Variants in HCRTR2 observed in about 807,000 individuals in gnomAD.
HCRTR2 encodes the protein hypocretin receptor 2.
Under a neutral mutation model 49.0 loss-of-function variants are expected in HCRTR2, and 22 were observed. The observed-to-expected ratio is 0.45, with a 90% CI of 0.32 to 0.64. The LOEUF (loss-of-function observed/expected upper bound fraction) is 0.64, where lower values mean the gene tolerates loss of function less well. Ranked by LOEUF, HCRTR2 falls within the 30% of genes least tolerant of loss-of-function variation. HCRTR2 has a pLI of 0.04. For synonymous variants in HCRTR2, 236 were observed against 205.3 expected (o/e 1.15, Z -1.28); for missense variants, 491 against 559.4 (o/e 0.88, Z 1.23).
At chr6:55,271,584 C>T (rs201628720) in intron 4 of HCRTR2, among the ~76,000 whole-genome samples, 7 of 152,030 alleles carry the variant, frequency 4.6e-5, no homozygotes, top group Non-Finnish European at 1.0e-4. Flanking sequence ...CCATTAAAAA[C>T]GTTAAAAGTC....
At chr6:55,242,300 T>C (rs1459454363) in intron 1 of HCRTR2, among the ~76,000 whole-genome samples, 1 of 152,144 alleles carries the variant, frequency 6.6e-6, no homozygotes, top group African/African-American at 2.4e-5. Flanking sequence ...ACTATCCACC[T>C]CCAGAACATT....
intron 1 of HCRTR2, among the ~76,000 whole-genome samples, chr6:55,185,257 T>C (rs1765197688): frequency 6.6e-6 from 1 of 152,192 alleles, no homozygotes; most frequent in Admixed American, 6.5e-5. Flanking sequence ...GAGACATTTA[T>C]GTGTTTGGGC....
chr6:55,143,471 A>C (rs1764537136), intron 1 of HCRTR2, among the ~76,000 whole-genome samples: 1 of 152,244 alleles, frequency 6.6e-6, no homozygotes, highest in African/African-American at 2.4e-5. Flanking sequence ...ATTCTAAAAG[A>C]GGATTTGCCT....
chr6:55,154,034 T>C (rs540893602), intron 1 of HCRTR2, among the ~76,000 whole-genome samples: 2 of 151,412 alleles, frequency 1.3e-5, no homozygotes, highest in East Asian at 2.0e-4. Flanking sequence ...AGAAAAAAAA[T>C]GGATAAATTC....
chr6:55,257,951 A>AAAAAT (rs1419706360), intron 3 of HCRTR2, among the ~76,000 whole-genome samples: 4 of 152,024 alleles, frequency 2.6e-5, no homozygotes, highest in Non-Finnish European at 5.9e-5. Flanking sequence ...ATTTTTAAGA[A>AAAAAT]AAAATAATTC....
intron 1 of HCRTR2, among the ~76,000 whole-genome samples, chr6:55,123,910 T>A (rs1019696942): frequency 1.4e-4 from 21 of 152,108 alleles, no homozygotes; most frequent in African/African-American, 5.1e-4. Flanking sequence ...TAGTTTTTTG[T>A]CTAGAGGTGT....
At chr6:55,266,948 C>T (rs1766871325) in intron 4 of HCRTR2, among the ~76,000 whole-genome samples, 1 of 152,110 alleles carries the variant, frequency 6.6e-6, no homozygotes. Context: ...CATGAATTAT[C>T]CTCATTAGTA....
At chr6:55,142,736 C>T (rs1194114421) in intron 1 of HCRTR2, among the ~76,000 whole-genome samples, 1 of 151,724 alleles carries the variant, frequency 6.6e-6, no homozygotes, top group African/African-American at 2.4e-5. Flanking sequence ...AATGCACACA[C>T]CGAGATTTAA....
At chr6:55,180,658 T>G (rs1440671240) in intron 1 of HCRTR2, among the ~76,000 whole-genome samples, 1 of 152,226 alleles carries the variant, frequency 6.6e-6, no homozygotes, top group African/African-American at 2.4e-5. Context: ...AGACACAATT[T>G]GAGCCTGAGA....
At chr6:55,212,129 A>G (rs561421143) in intron 1 of HCRTR2, among the ~76,000 whole-genome samples, 1 of 152,280 alleles carries the variant, frequency 6.6e-6, no homozygotes, top group Non-Finnish European at 1.5e-5. Context: ...TCATGAACAA[A>G]TTCCTGTGCG....
At chr6:55,142,093 A>T (rs1305950603) in intron 1 of HCRTR2, among the ~76,000 whole-genome samples, 1 of 152,242 alleles carries the variant, frequency 6.6e-6, no homozygotes, top group African/African-American at 2.4e-5. Flanking sequence ...AGTAAGTTTT[A>T]TCTCCCAAAA....
chr6:55,168,097 G>C (rs1421886670), intron 1 of HCRTR2, among the ~76,000 whole-genome samples: 1 of 152,114 alleles, frequency 6.6e-6, no homozygotes, highest in African/African-American at 2.4e-5. Context: ...GTAGTGATTG[G>C]CCAACAGCTA....
rs535827108 is a variant in HCRTR2 at position 55,149,560 on chromosome 6, C to T, written c.-377-24651C>T. Among the ~76,000 whole-genome samples, 3 of 152,092 alleles carry T rather than the reference C, an allele frequency of 2.0e-5. No individual in the cohort carries two copies. The South Asian group carries it at 6.2e-4, about 32-fold the overall frequency. ...ATCTAGACAAAGCCAAACTGGTCATCCATAAATAAACAATAAATTAGAAAT... is the reference window on the plus strand; with the variant it reads ...ATCTAGACAAAGCCAAACTGGTCATTCATAAATAAACAATAAATTAGAAAT... On this transcript the variant is annotated intron_variant, in intron 1 of 7. Transcript: ENST00000615358.
intron 1 of HCRTR2, 58 bp downstream of exon 1, chr6:55,174,868 TG>T: frequency 7.0e-7 from 1 of 1,418,790 alleles, no homozygotes; most frequent in Non-Finnish European, 1.0e-6. Context: ...CGCCCCGGGC[TG>T]AGAAGGCTCT....
chr6:55,228,976 T>C (rs1371975489), intron 1 of HCRTR2, among the ~76,000 whole-genome samples: 2 of 152,156 alleles, frequency 1.3e-5, no homozygotes, highest in Non-Finnish European at 2.9e-5. Context: ...TAAGTAGGGT[T>C]GCTTCACTTC....
intron 1 of HCRTR2, among the ~76,000 whole-genome samples, chr6:55,220,968 A>G (rs1765879131): frequency 6.6e-6 from 1 of 152,194 alleles, no homozygotes; most frequent in Non-Finnish European, 1.5e-5. Context: ...AAATGACTAA[A>G]ATGTTTAGTA....
At chr6:55,113,964 A>G (rs1764083995) in intron 1 of HCRTR2, among the ~76,000 whole-genome samples, 1 of 151,974 alleles carries the variant, frequency 6.6e-6, no homozygotes, top group African/African-American at 2.4e-5. Context: ...CAGCCATAAA[A>G]AGGAATGAAA....
intron 1 of HCRTR2, among the ~76,000 whole-genome samples, chr6:55,115,506 GT>G (rs1764104331): frequency 1.5e-5 from 2 of 136,294 alleles, no homozygotes; most frequent in African/African-American, 5.8e-5. Flanking sequence ...GTGTGTGTGT[GT>G]GTGTGGTAGT....
intron 2 of HCRTR2, among the ~76,000 whole-genome samples, chr6:55,249,779 A>G (rs1338120074): frequency 6.6e-6 from 1 of 152,104 alleles, no homozygotes; most frequent in East Asian, 1.9e-4. Context: ...TAATGTTCAC[A>G]TTCACTCATC....
Sources: gnomAD v4.1 joint callset for allele counts (sites outside exome capture counted in the v4.1 genomes callset) on GRCh38, gnomAD v4.1.1 for gene constraint, MANE v1.5 for transcripts, NCBI Gene and HGNC (gene_info 2026-07-23, HGNC 2026-07-21) for gene names.